The following UBE2N variants were observed in gnomAD, a reference collection of about 807,000 sequenced individuals.
UBE2N encodes the protein ubiquitin conjugating enzyme E2 N, also known as ubiquitin-conjugating enzyme E2 N.
For synonymous variants in UBE2N, 70 were observed against 69.2 expected (o/e 1.01, Z -0.06); for missense variants, 60 against 192.1 (o/e 0.31, Z 4.07).
chr12:93,428,974 T>G (rs1272678127), intron 1 of UBE2N, among the ~76,000 whole-genome samples: 1 of 152,120 alleles, frequency 6.6e-6, no homozygotes, highest in Non-Finnish European at 1.5e-5. Flanking sequence ...CAGTGCACTT[T>G]ATTTGAAAAA....
chr12:93,426,446 T>C (rs1262509394), intron 1 of UBE2N, among the ~76,000 whole-genome samples: 1 of 147,792 alleles, frequency 6.8e-6, no homozygotes, highest in Non-Finnish European at 1.5e-5. Context: ...GAATAACTAA[T>C]TTGAATAGTG....
At chr12:93,419,933 T>TA (rs1369108043) in intron 1 of UBE2N, among the ~76,000 whole-genome samples, 3 of 152,176 alleles carry the variant, frequency 2.0e-5, no homozygotes, top group African/African-American at 7.2e-5. Flanking sequence ...CCTAACCACT[T>TA]AGACTCCCCC....
intron 1 of UBE2N, among the ~76,000 whole-genome samples, chr12:93,431,882 A>C (rs1246666073): frequency 6.6e-6 from 1 of 152,088 alleles, no homozygotes; most frequent in Non-Finnish European, 1.5e-5. Flanking sequence ...ATGTGCCAAA[A>C]ACTCACTCAC....
intron 1 of UBE2N, among the ~76,000 whole-genome samples, chr12:93,434,322 C>T (rs569939731): frequency 6.6e-6 from 1 of 152,282 alleles, no homozygotes; most frequent in African/African-American, 2.4e-5. Context: ...TAAGAGTGGT[C>T]ATTAACACGT....
At position 93,423,731 on chromosome 12, in the gene UBE2N, T is replaced by A. The variant is rs114246348; in HGVS notation, c.31-12432A>T. 5.7e-3 allele frequency among the ~76,000 whole-genome samples: 861 copies of A among 152,330 alleles called. 6 individuals are homozygous for A. Among genetic ancestry groups the A allele is most frequent in the African/African-American group, 0.02 (822 of 41,568 alleles). ...GGTTCTCTATAGCACCAAAATTGTC[T>A]GAATACTTTATTATTATTAGAATGA... On this transcript the variant is annotated intron_variant, in intron 1 of 3. Coordinates refer to ENST00000318066, the MANE Select transcript of UBE2N (RefSeq NM_003348.4).
chr12:93,427,586 C>T (rs762440481), intron 1 of UBE2N, among the ~76,000 whole-genome samples: 24 of 151,972 alleles, frequency 1.6e-4, no homozygotes, highest in Non-Finnish European at 2.9e-5. Context: ...AAATGGTTGC[C>T]AGGGGTTGAA....
intron 1 of UBE2N, among the ~76,000 whole-genome samples, chr12:93,436,056 A>T (rs1878925516): frequency 6.6e-6 from 1 of 152,242 alleles, no homozygotes; most frequent in Middle Eastern, 3.4e-3. Context: ...CCCCTAGGGT[A>T]AGTTAACTAC....
At chr12:93,438,276 A>G (rs1161438721) in intron 1 of UBE2N, among the ~76,000 whole-genome samples, 2 of 152,184 alleles carry the variant, frequency 1.3e-5, no homozygotes, top group Admixed American at 1.3e-4. Context: ...AGTAATAAGC[A>G]CTTATACAGA....
At chr12:93,415,845 A>C (rs894739005) in intron 1 of UBE2N, among the ~76,000 whole-genome samples, 2 of 152,202 alleles carry the variant, frequency 1.3e-5, no homozygotes, top group African/African-American at 4.8e-5. Flanking sequence ...AGCTACAGAA[A>C]GGCCTCCAAA....
intron 1 of UBE2N, among the ~76,000 whole-genome samples, chr12:93,437,350 G>A (rs527405262): frequency 6.8e-6 from 1 of 147,784 alleles, no homozygotes; most frequent in East Asian, 2.1e-4. Context: ...CAAAGCAGCA[G>A]TCTGTCTCTT....
chr12:93,421,207 T>TTG (rs1555196968), intron 1 of UBE2N, among the ~76,000 whole-genome samples: 14 of 107,248 alleles, frequency 1.3e-4, no homozygotes, highest in Non-Finnish European at 2.3e-4. Flanking sequence ...CTTTTTTTTT[T>TTG]GGGGGGGCTG....
At chr12:93,441,616 G>A (rs973084756) in intron 1 of UBE2N, among the ~76,000 whole-genome samples, 3 of 151,966 alleles carry the variant, frequency 2.0e-5, no homozygotes, top group Non-Finnish European at 2.9e-5. Context: ...CTGGCCCGCC[G>A]GGCAGCCGCC....
chr12:93,415,056 C>T (rs1053559711), intron 1 of UBE2N, among the ~76,000 whole-genome samples: 1 of 151,984 alleles, frequency 6.6e-6, no homozygotes, highest in Non-Finnish European at 1.5e-5. Flanking sequence ...AGGATGTGCA[C>T]ATTATGGAAG....
Position 93,415,706 on chromosome 12 carries a change from C to A in UBE2N, c.31-4407G>T, listed in dbSNP as rs552695261. On this transcript the variant is annotated intron_variant, in intron 1 of 3. Coordinates refer to ENST00000318066, the MANE Select transcript of UBE2N (RefSeq NM_003348.4). ...CTCACCTCCATCCTTTAATTTTACC[C>A]CAGGTCTTCATGTTTTTAGAAAGCC... Among the ~76,000 whole-genome samples the A allele has an allele frequency of 1.1e-4, 17 of 152,188 alleles. No homozygotes were observed. In the South Asian group the frequency reaches 3.5e-3, roughly 32 times the overall value.
At chr12:93,432,489 A>C (rs76045882) in intron 1 of UBE2N, among the ~76,000 whole-genome samples, 1,395 of 135,880 alleles carry the variant, frequency 0.01, 23 homozygotes, top group Middle Eastern at 0.032. Context: ...AAAAAAAAAA[A>C]CAAAACAAAA....
chr12:93,422,673 G>C (rs1878452988), intron 1 of UBE2N, among the ~76,000 whole-genome samples: 1 of 151,902 alleles, frequency 6.6e-6, no homozygotes, highest in Non-Finnish European at 1.5e-5. Flanking sequence ...CAGTGAACTT[G>C]GTTTTTTTCT....
chr12:93,434,012 T>TA (rs1317074771), intron 1 of UBE2N, among the ~76,000 whole-genome samples: 1 of 152,130 alleles, frequency 6.6e-6, no homozygotes, highest in Non-Finnish European at 1.5e-5. Context: ...CTCTAATGTG[T>TA]AAAACTCTGG....
chr12:93,423,347 T>A (rs555660946), intron 1 of UBE2N, among the ~76,000 whole-genome samples: 2 of 151,980 alleles, frequency 1.3e-5, no homozygotes, highest in Non-Finnish European at 2.9e-5. Flanking sequence ...GGAAAGGAAG[T>A]GAAGAAAAGG....
intron 1 of UBE2N, among the ~76,000 whole-genome samples, chr12:93,430,482 G>A (rs1432215805): frequency 6.6e-6 from 1 of 152,102 alleles, no homozygotes; most frequent in Non-Finnish European, 1.5e-5. Context: ...CTGGCTGGGT[G>A]GGGAGGGGGA....
Sources: gnomAD v4.1 joint callset for allele counts (sites outside exome capture counted in the v4.1 genomes callset) on GRCh38, gnomAD v4.1.1 for gene constraint, MANE v1.5 for transcripts, NCBI Gene and HGNC (gene_info 2026-07-23, HGNC 2026-07-21) for gene names.